Variants in SIPA1L1 observed in about 807,000 individuals in gnomAD.
SIPA1L1 encodes signal induced proliferation associated 1 like 1.
In SIPA1L1, 26 loss-of-function variants were observed where a neutral mutation model predicts 162.7. The ratio of observed to expected loss-of-function variants is 0.16; its 90% CI spans 0.12 to 0.22. The LOEUF (loss-of-function observed/expected upper bound fraction) is 0.22, where lower values mean the gene tolerates loss of function less well. Ranked by LOEUF, SIPA1L1 falls within the 10% of genes least tolerant of loss-of-function variation. The pLI is 1.00. For missense variants in SIPA1L1, 1,874 were observed against 2,241.0 expected (o/e 0.84, Z 3.31); for synonymous variants, 829 against 837.4 (o/e 0.99, Z 0.17).
intron 2 of SIPA1L1, among the ~76,000 whole-genome samples, chr14:71,398,927 T>C (rs549359729): frequency 6.6e-6 from 1 of 152,236 alleles, no homozygotes; most frequent in Non-Finnish European, 1.5e-5. Context: ...ACCCAATAGA[T>C]GTTTCATAAG....
chr14:71,480,333 C>T (rs2048248486), intron 2 of SIPA1L1, among the ~76,000 whole-genome samples: 2 of 151,550 alleles, frequency 1.3e-5, no homozygotes, highest in South Asian at 2.1e-4. Context: ...AGTTGATCTG[C>T]CCACCTCGGC....
chr14:71,420,420 T>C (rs1050521469), intron 2 of SIPA1L1, among the ~76,000 whole-genome samples: 4 of 152,194 alleles, frequency 2.6e-5, no homozygotes, highest in Non-Finnish European at 5.9e-5. Flanking sequence ...CCCATCTATC[T>C]GTCTACTAAA....
At chr14:71,581,757 G>A (rs2033962297) in intron 4 of SIPA1L1, among the ~76,000 whole-genome samples, 1 of 151,998 alleles carries the variant, frequency 6.6e-6, no homozygotes, top group South Asian at 2.1e-4. Flanking sequence ...AACTCTCAAT[G>A]CCCCCAATAA....
intron 13 of SIPA1L1, among the ~76,000 whole-genome samples, chr14:71,696,642 T>C (rs1233878710): frequency 6.6e-6 from 1 of 152,220 alleles, no homozygotes; most frequent in Admixed American, 6.5e-5. Context: ...CTTCATTTTC[T>C]ACACCACTGA....
chr14:71,418,206 A>G (rs1292813752), intron 2 of SIPA1L1: 1 of 152,234 alleles, frequency 6.6e-6, no homozygotes, highest in Non-Finnish European at 1.5e-5. Flanking sequence ...GGTAAGAGGT[A>G]TTTGAATTAA....
intron 2 of SIPA1L1, among the ~76,000 whole-genome samples, chr14:71,395,523 C>T (rs545332635): frequency 2.6e-5 from 4 of 152,058 alleles, no homozygotes; most frequent in Non-Finnish European, 5.9e-5. Flanking sequence ...ATTAGCTGGG[C>T]GCAGTAGGAC....
intron 4 of SIPA1L1, among the ~76,000 whole-genome samples, chr14:71,552,397 T>G (rs2055926177): frequency 6.8e-6 from 1 of 147,996 alleles, no homozygotes; most frequent in African/African-American, 2.5e-5. Flanking sequence ...CCCTATTTCT[T>G]TTTTTTTTTT....
chr14:71,424,647 T>C (rs1202636445), intron 2 of SIPA1L1, among the ~76,000 whole-genome samples: 2 of 152,262 alleles, frequency 1.3e-5, no homozygotes, highest in African/African-American at 4.8e-5. Context: ...ATAATCCTTT[T>C]ACTATGCTGC....
chr14:71,603,323 A>C (rs1369269768), intron 5 of SIPA1L1, among the ~76,000 whole-genome samples: 1 of 152,146 alleles, frequency 6.6e-6, no homozygotes, highest in Admixed American at 6.5e-5. Flanking sequence ...TTTTCTGTGG[A>C]AAATGTAATC....
chr14:71,332,501 A>C (rs761435075), intron 2 of SIPA1L1, among the ~76,000 whole-genome samples: 1 of 152,178 alleles, frequency 6.6e-6, no homozygotes, highest in Non-Finnish European at 1.5e-5. Context: ...TTCCAAGGAG[A>C]TATATCTTGG....
chr14:71,711,779 TG>T (rs1437473568), intron 17 of SIPA1L1, among the ~76,000 whole-genome samples: 2 of 152,226 alleles, frequency 1.3e-5, no homozygotes, highest in African/African-American at 4.8e-5. Context: ...TGCTTCTAAC[TG>T]GAAGAATGCA....
chr14:71,586,155 G>A (rs1358466821), intron 4 of SIPA1L1: 2 of 152,110 alleles, frequency 1.3e-5, no homozygotes, highest in Non-Finnish European at 2.9e-5. Context: ...TTATCTGAAT[G>A]GCTCCACAGA....
chr14:71,654,727 A>T (rs1310458030), intron 8 of SIPA1L1, among the ~76,000 whole-genome samples: 1 of 152,188 alleles, frequency 6.6e-6, no homozygotes, highest in African/African-American at 2.4e-5. Context: ...TTTACTTATT[A>T]ATTAAAGCTC....
chr14:71,659,443 T>C (rs2043324596), intron 9 of SIPA1L1, among the ~76,000 whole-genome samples: 12 of 152,202 alleles, frequency 7.9e-5, no homozygotes, highest in Admixed American at 7.9e-4. Flanking sequence ...AGCAAAGCAA[T>C]GAATCAGCTA....
intron 12 of SIPA1L1, among the ~76,000 whole-genome samples, chr14:71,673,016 T>G (rs74930632): frequency 1.7e-3 from 260 of 152,340 alleles, no homozygotes; most frequent in Middle Eastern, 3.4e-3. Context: ...ATGCTCTTAT[T>G]CTCTTCTCTC....
At chr14:71,488,143 A>T (rs1429221724) in intron 2 of SIPA1L1, among the ~76,000 whole-genome samples, 1 of 152,178 alleles carries the variant, frequency 6.6e-6, no homozygotes, top group Non-Finnish European at 1.5e-5. Flanking sequence ...GTGTTGGTTT[A>T]TCTTTAGGCG....
At chr14:71,652,783 T>C (rs1050569427) in intron 8 of SIPA1L1, among the ~76,000 whole-genome samples, 29 of 152,286 alleles carry the variant, frequency 1.9e-4, no homozygotes, top group African/African-American at 7.0e-4. Flanking sequence ...TAAGATATTA[T>C]ATTTCAGGGC....
At position 71,702,381 on chromosome 14, in the gene SIPA1L1, G is replaced by A; in HGVS notation, c.3522G>A (p.Gly1174=). 4.3e-6 allele frequency: 7 copies of A among 1,614,032 alleles called. No homozygotes were observed. The highest frequency in any genetic ancestry group is 5.9e-6 in the Non-Finnish European group (7 of 1,179,926). The change falls in exon 15 of 24, where the codon GGG becomes GGA. Residue 1174 remains glycine (G), a splice_region_variant and synonymous_variant. Transcript: ENST00000381232. ...GTYRQKSMPE[G]FGVSRRSPAS... is the part of the protein sequence containing the mutation. ...TTTGCCTTTGCGGAAATCACCACAG[G>A]TTTGGAGTGAGCCGTAGATCCCCAG...
intron 2 of SIPA1L1, among the ~76,000 whole-genome samples, chr14:71,406,077 A>G (rs1379588858): frequency 2.0e-5 from 3 of 152,186 alleles, no homozygotes; most frequent in Admixed American, 2.0e-4. Flanking sequence ...GACAGTGGAG[A>G]TGGAGAGAAG....
Sources: gnomAD v4.1 joint callset for allele counts (sites outside exome capture counted in the v4.1 genomes callset) on GRCh38, gnomAD v4.1.1 for gene constraint, MANE v1.5 for transcripts, NCBI Gene and HGNC (gene_info 2026-07-23, HGNC 2026-07-21) for gene names.